TTC39B: variants seen among roughly 807,000 people sequenced by gnomAD.
TTC39B encodes tetratricopeptide repeat domain 39B, also known as tetratricopeptide repeat protein 39B.
A neutral mutation model predicts 96.6 loss-of-function variants in TTC39B; 92 were observed. The observed-to-expected ratio is 0.95, with a 90% CI of 0.80 to 1.13. The LOEUF is 1.13. Ranked by LOEUF, TTC39B falls within the 50% of genes most tolerant of loss-of-function variation. The pLI, the probability that TTC39B is intolerant of heterozygous loss-of-function variation, is 0.00. For missense variants in TTC39B, 955 were observed against 809.3 expected, an observed-to-expected ratio of 1.18 and a Z score of -2.18; for synonymous variants, 367 against 299.4, an observed-to-expected ratio of 1.23 and a Z score of -2.33.
At chr9:15,225,591 C>T (rs1821077614) in intron 3 of TTC39B, among the ~76,000 whole-genome samples, 1 of 151,736 alleles carries the variant, frequency 6.6e-6, no homozygotes, top group African/African-American at 2.4e-5. Context: ...CCATTTTCCC[C>T]AATGTTTGGC....
intron 2 of TTC39B, among the ~76,000 whole-genome samples, chr9:15,253,416 C>T (rs1822637027): frequency 6.6e-6 from 1 of 152,192 alleles, no homozygotes; most frequent in Non-Finnish European, 1.5e-5. Flanking sequence ...GCTCTAGATA[C>T]TGGAAAAGGC....
At chr9:15,180,531 C>T (rs548512337) in intron 17 of TTC39B, among the ~76,000 whole-genome samples, 1 of 152,146 alleles carries the variant, frequency 6.6e-6, no homozygotes, top group Non-Finnish European at 1.5e-5. Flanking sequence ...CAGTTGTATC[C>T]TCTACCATCT....
At chr9:15,283,632 A>G (rs967514971) in intron 1 of TTC39B, among the ~76,000 whole-genome samples, 2 of 152,222 alleles carry the variant, frequency 1.3e-5, no homozygotes, top group African/African-American at 4.8e-5. Context: ...AAAAAATTGT[A>G]GGATTTGCCC....
chr9:15,203,557 G>A (rs1391554812), intron 7 of TTC39B, among the ~76,000 whole-genome samples: 1 of 151,904 alleles, frequency 6.6e-6, no homozygotes, highest in Non-Finnish European at 1.5e-5. Flanking sequence ...CACCCTGCCT[G>A]GCCTAAAGTT....
At chr9:15,301,141 A>G (rs1472778593) in intron 1 of TTC39B, among the ~76,000 whole-genome samples, 4 of 152,180 alleles carry the variant, frequency 2.6e-5, no homozygotes, top group Non-Finnish European at 5.9e-5. Flanking sequence ...AACCTAGTTC[A>G]AATACCATCT....
At chr9:15,242,474 T>A (rs34121666) in intron 2 of TTC39B, among the ~76,000 whole-genome samples, 2 of 152,040 alleles carry the variant, frequency 1.3e-5, no homozygotes, top group Admixed American at 6.6e-5. Context: ...TCCCAGCTAC[T>A]CAGGCGGCTG....
intron 2 of TTC39B, among the ~76,000 whole-genome samples, chr9:15,255,449 C>T (rs747870368): frequency 5.9e-5 from 9 of 151,964 alleles, no homozygotes; most frequent in East Asian, 1.9e-4. Flanking sequence ...TGATGATTTT[C>T]GGAACACAAG....
At chr9:15,273,530 A>G (rs1180806167) in intron 1 of TTC39B, among the ~76,000 whole-genome samples, 1 of 151,970 alleles carries the variant, frequency 6.6e-6, no homozygotes, top group Non-Finnish European at 1.5e-5. Flanking sequence ...CCATTTTACC[A>G]TCTTTCTCAT....
chr9:15,261,993 A>G lies in TTC39B; in HGVS notation c.275+5921T>C, dbSNP rs185921717. On this transcript the variant is annotated intron_variant, in intron 2 of 19. Transcript: ENST00000512701. ...CTAGAACTGCATGTTATTTGTGACA[A>G]ATTTCTATATATCATGCAACAGGTC... 3.3e-5 allele frequency among the ~76,000 whole-genome samples: 5 copies of G among 152,296 alleles called. No homozygotes were observed. The East Asian group carries it at 7.7e-4, about 23-fold the overall frequency.
intron 15 of TTC39B, chr9:15,185,633 C>G (rs1273180489): frequency 2.2e-6 from 1 of 454,976 alleles, no homozygotes; most frequent in African/African-American, 2.1e-5. Context: ...CCAGGTGATT[C>G]TGAGGCACAC....
intron 6 of TTC39B, among the ~76,000 whole-genome samples, chr9:15,207,355 T>C (rs1304377597): frequency 6.6e-6 from 1 of 152,214 alleles, no homozygotes; most frequent in East Asian, 1.9e-4. Context: ...TTTCCTAAAG[T>C]GCCATTGTTC....
intron 1 of TTC39B, among the ~76,000 whole-genome samples, chr9:15,268,953 C>T (rs111481781): frequency 0.043 from 6,618 of 152,240 alleles, 178 homozygotes; most frequent in South Asian, 0.075. Context: ...AAAACAGCCC[C>T]GCCAGCCTCT....
intron 2 of TTC39B, among the ~76,000 whole-genome samples, chr9:15,231,417 G>T (rs547631151): frequency 2.6e-4 from 40 of 152,304 alleles, no homozygotes; most frequent in African/African-American, 9.1e-4. Flanking sequence ...GTATCTCACT[G>T]TAGTTTTTGG....
chr9:15,215,694 C>T (rs1820476039), intron 3 of TTC39B, among the ~76,000 whole-genome samples: 1 of 151,334 alleles, frequency 6.6e-6, no homozygotes. Context: ...CCCGTCTCTA[C>T]TAAAAATACA....
At chr9:15,287,567 C>A (rs1209238483) in intron 1 of TTC39B, among the ~76,000 whole-genome samples, 1 of 152,104 alleles carries the variant, frequency 6.6e-6, no homozygotes, top group Non-Finnish European at 1.5e-5. Flanking sequence ...AGCTTACAGA[C>A]CTGAAGTACC....
intron 2 of TTC39B, among the ~76,000 whole-genome samples, chr9:15,253,984 C>G (rs1822658362): frequency 6.6e-6 from 1 of 152,124 alleles, no homozygotes; most frequent in Non-Finnish European, 1.5e-5. Flanking sequence ...GGCTCAGTGT[C>G]AACATTGAGA....
intron 1 of TTC39B, among the ~76,000 whole-genome samples, chr9:15,288,512 A>C (rs992250408): frequency 6.6e-6 from 1 of 152,146 alleles, no homozygotes; most frequent in South Asian, 2.1e-4. Flanking sequence ...ACCACACTCC[A>C]GGGGAAGATC....
chr9:15,168,805 C>T (rs1205945966), exon 20 of TTC39B: 1 of 52,912 alleles, frequency 1.9e-5, no homozygotes, highest in African/African-American at 1.1e-4. Context: ...GAGCGAGACT[C>T]TGTCTCAATA....
At chr9:15,246,595 G>A (rs1411447308) in intron 2 of TTC39B, among the ~76,000 whole-genome samples, 1 of 152,146 alleles carries the variant, frequency 6.6e-6, no homozygotes, top group Admixed American at 6.5e-5. Context: ...GTGTTAGTTT[G>A]GGGTCCAAAT....
Sources: gnomAD v4.1 joint callset for allele counts (sites outside exome capture counted in the v4.1 genomes callset) on GRCh38, gnomAD v4.1.1 for gene constraint, MANE v1.5 for transcripts, NCBI Gene and HGNC (gene_info 2026-07-23, HGNC 2026-07-21) for gene names.